Variants in PATJ observed in about 807,000 individuals in gnomAD.
PATJ encodes inaD-like protein.
Under a neutral mutation model 224.9 loss-of-function variants are expected in PATJ, and 190 were observed. The ratio of observed to expected loss-of-function variants is 0.84; its 90% CI spans 0.75 to 0.95. The LOEUF (loss-of-function observed/expected upper bound fraction) is 0.95. Ranked by LOEUF, PATJ falls within the 40% of genes least tolerant of loss-of-function variation. The probability of loss-of-function intolerance (pLI) is 0.00; values close to 1 mark genes in which losing one functional copy is unlikely to be tolerated. For missense variants in PATJ, 2,121 were observed against 2,270.3 expected, an observed-to-expected ratio of 0.93 and a Z score of 1.34; for synonymous variants, 769 against 820.3, an observed-to-expected ratio of 0.94 and a Z score of 1.07.
rs1308494161 is a variant in PATJ, at chr1:61,801,570, T to A, written c.1403-53T>A. The A allele has an allele frequency of 8.0e-6, 9 of 1,118,526 alleles. No individual in the cohort carries two copies. In the East Asian group the frequency reaches 2.4e-4, roughly 29 times the overall value. 69.3% of individuals were successfully genotyped at this position (1,118,526 alleles called of 1,614,324 possible). On this transcript the variant is annotated intron_variant, in intron 11 of 43. Transcript: ENST00000642238. Reference sequence around the variant, plus strand: ...CTTAAATATAGTCCTCAACAACTAATAATTCAAGTTAGCATTAACAAAATT... The same window carrying A: ...CTTAAATATAGTCCTCAACAACTAAAAATTCAAGTTAGCATTAACAAAATT...
chr1:62,019,215 A>G (rs1236884742), intron 29 of PATJ, among the ~76,000 whole-genome samples: 6 of 146,446 alleles, frequency 4.1e-5, no homozygotes, highest in African/African-American at 1.5e-4. Context: ...ATTGCACTCC[A>G]GCCTGGACGA....
chr1:62,104,766 G>C (rs867585316), intron 33 of PATJ, among the ~76,000 whole-genome samples: 12 of 152,188 alleles, frequency 7.9e-5, no homozygotes, highest in Middle Eastern at 6.8e-3. Context: ...CTGCCTCCCG[G>C]GTTCAAGTGA....
chr1:61,771,359 C>T (rs1646597247), intron 5 of PATJ, 72 bp from the exon 6 acceptor site: 2 of 934,998 alleles, frequency 2.1e-6, no homozygotes, highest in South Asian at 2.0e-5. Context: ...CAACAAACTG[C>T]TTAACTTTAA....
chr1:61,786,061 G>A (rs1008653580), intron 7 of PATJ, among the ~76,000 whole-genome samples: 6 of 152,046 alleles, frequency 3.9e-5, no homozygotes, highest in Admixed American at 6.6e-5. Context: ...TTGCTCTGTC[G>A]CCCAAGCTGG....
chr1:62,022,478 A>G (rs888513434), intron 29 of PATJ, among the ~76,000 whole-genome samples: 4 of 152,134 alleles, frequency 2.6e-5, no homozygotes, highest in Non-Finnish European at 5.9e-5. Context: ...CTCTACATTC[A>G]ATTCTGTGGG....
chr1:61,914,547 A>T, intron 25 of PATJ, 40 bp from the exon 26 acceptor site: 3 of 960,782 alleles, frequency 3.1e-6, no homozygotes, highest in East Asian at 2.4e-5. Flanking sequence ...TATGTCGTTT[A>T]AACGTTTTCT....
intron 17 of PATJ, among the ~76,000 whole-genome samples, chr1:61,839,968 C>T (rs1274528914): frequency 1.3e-5 from 2 of 151,788 alleles, no homozygotes; most frequent in South Asian, 2.1e-4. Context: ...AAAATTTGCT[C>T]GAAACCAAAG....
chr1:61,747,230 T>C (rs1166042488), intron 1 of PATJ, among the ~76,000 whole-genome samples: 2 of 151,926 alleles, frequency 1.3e-5, no homozygotes, highest in South Asian at 2.1e-4. Flanking sequence ...GGATGCCTTT[T>C]TTAAAGCCCT....
At chr1:61,827,308 C>T (rs1462768236) in intron 15 of PATJ, 114 bp from the exon 16 acceptor site, 3 of 837,988 alleles carry the variant, frequency 3.6e-6, no homozygotes, top group Non-Finnish European at 3.6e-6. Context: ...CCCTTGTTTA[C>T]AGGGAAAATA....
intron 9 of PATJ, among the ~76,000 whole-genome samples, chr1:61,791,764 A>C (rs1649915925): frequency 6.6e-6 from 1 of 152,140 alleles, no homozygotes; most frequent in African/African-American, 2.4e-5. Flanking sequence ...TAGATTTGTG[A>C]TAATTAAATT....
rs1444955353 is a variant in PATJ, at chr1:61,769,402, G to A, written c.504G>A (p.Gln168=). Residue 168 remains glutamine (Q), a synonymous_variant, in exon 5 of 44, where the codon CAG becomes CAA. Coordinates refer to ENST00000642238, the MANE Select transcript of PATJ (RefSeq NM_001350145.3). ...TTGATATCTTCGTGAAGGATGTCCA[G>A]CCAGGGAGTGTAGCAGACAGGTGAG... ...GKVDIFVKDV[Q]PGSVADRDQR... The A allele has an allele frequency of 6.2e-7, 1 of 1,613,998 alleles. No individual in the cohort carries two copies. Among genetic ancestry groups the A allele is most frequent in the East Asian group, 2.2e-5 (1 of 44,878 alleles).
intron 26 of PATJ, among the ~76,000 whole-genome samples, chr1:61,923,632 G>A (rs1674655970): frequency 6.6e-6 from 1 of 152,030 alleles, no homozygotes; most frequent in Non-Finnish European, 1.5e-5. Context: ...AAAAGAGAGT[G>A]ACTAGCCGGG....
At chr1:61,820,462 C>T (rs1234430811) in intron 14 of PATJ, among the ~76,000 whole-genome samples, 1 of 152,196 alleles carries the variant, frequency 6.6e-6, no homozygotes, top group Non-Finnish European at 1.5e-5. Context: ...CCTGCCTCAG[C>T]CTCCCGAATA....
chr1:61,829,896 G>C (rs1043625108), intron 16 of PATJ, among the ~76,000 whole-genome samples: 6 of 152,172 alleles, frequency 3.9e-5, no homozygotes, highest in Non-Finnish European at 7.3e-5. Context: ...TTTGTTGGAA[G>C]ATATAAGTGT....
intron 33 of PATJ, among the ~76,000 whole-genome samples, chr1:62,107,831 T>G (rs1214083898): frequency 6.6e-6 from 1 of 152,220 alleles, no homozygotes; most frequent in African/African-American, 2.4e-5. Flanking sequence ...TAGATATTGT[T>G]GTCCTAATTT....
At chr1:62,078,911 A>G (rs147113663) in intron 31 of PATJ, 1,824 of 153,134 alleles carry the variant, frequency 0.012, 32 homozygotes, top group African/African-American at 0.041. Flanking sequence ...GCTGGCATTT[A>G]GTAGGCTTTC....
At chr1:61,881,981 A>G (rs1244476812) in intron 21 of PATJ, among the ~76,000 whole-genome samples, 3 of 152,150 alleles carry the variant, frequency 2.0e-5, no homozygotes, top group African/African-American at 7.2e-5. Context: ...ATATTTTTTA[A>G]ACTTAAAAAC....
intron 28 of PATJ, among the ~76,000 whole-genome samples, chr1:61,996,741 C>CTTTTTTTTT (rs56215259): frequency 1.3e-4 from 13 of 97,706 alleles, no homozygotes; most frequent in South Asian, 3.7e-4. Flanking sequence ...CTTTTCTTTT[C>CTTTTTTTTT]TTTTTTTTTT....
At chr1:62,147,207 G>A (rs1407599553) in intron 41 of PATJ, among the ~76,000 whole-genome samples, 3 of 152,142 alleles carry the variant, frequency 2.0e-5, no homozygotes, top group Admixed American at 1.3e-4. Context: ...GGAGACAATG[G>A]GATGGGATAA....
Sources: allele counts gnomAD v4.1 joint callset (sites outside exome capture counted in the v4.1 genomes callset), GRCh38; gene constraint gnomAD v4.1.1; transcripts MANE v1.5; gene names NCBI Gene and HGNC (gene_info 2026-07-23, HGNC 2026-07-21).